PCDHGA6: variants seen among roughly 807,000 people sequenced by gnomAD.
PCDHGA6 encodes protocadherin gamma-A6.
A neutral mutation model predicts 60.6 loss-of-function variants in PCDHGA6; 41 were observed. The observed-to-expected ratio is 0.68, with a 90% CI of 0.53 to 0.88. The LOEUF (loss-of-function observed/expected upper bound fraction) is 0.88, where lower values mean the gene tolerates loss of function less well. PCDHGA6 is among the 40% of genes least tolerant of loss of function. PCDHGA6 has a pLI of 0.00. For missense variants in PCDHGA6, 1,312 were observed against 1,203.0 expected (o/e 1.09, Z -1.34); for synonymous variants, 594 against 524.4 (o/e 1.13, Z -1.81).
chr5:141,408,022 G>A (rs915978239), intron 1 of PCDHGA6: 1 of 1,056,122 alleles, frequency 9.5e-7, no homozygotes, highest in Non-Finnish European at 1.3e-6. Context: ...GCCAACAACA[G>A]AAAGAAGAAA....
chr5:141,479,466 C>G (rs1004384273), intron 1 of PCDHGA6: 1 of 152,224 alleles, frequency 6.6e-6, no homozygotes, highest in Non-Finnish European at 1.5e-5. Flanking sequence ...AATACAGTGA[C>G]CTCTTGGGAG....
At chr5:141,509,268 G>A (rs2099875959) in intron 3 of PCDHGA6, among the ~76,000 whole-genome samples, 1 of 152,150 alleles carries the variant, frequency 6.6e-6, no homozygotes, top group South Asian at 2.1e-4. Flanking sequence ...AGTCACTCTC[G>A]CTACCCGCTC....
intron 1 of PCDHGA6, among the ~76,000 whole-genome samples, chr5:141,382,170 C>T (rs1056617010): frequency 1.3e-5 from 2 of 151,888 alleles, no homozygotes; most frequent in Non-Finnish European, 2.9e-5. Context: ...GGTGTTAGAC[C>T]GTCTCTAAGG....
At chr5:141,510,277 A>C (rs1242709133) in intron 3 of PCDHGA6, among the ~76,000 whole-genome samples, 5 of 151,916 alleles carry the variant, frequency 3.3e-5, no homozygotes, top group Admixed American at 2.6e-4. Flanking sequence ...CATCTTAAAA[A>C]AAAAAAAAAA....
chr5:141,430,090 G>T (rs2097260736), intron 1 of PCDHGA6, among the ~76,000 whole-genome samples: 1 of 152,096 alleles, frequency 6.6e-6, no homozygotes, highest in Non-Finnish European at 1.5e-5. Context: ...ATGAAAATTT[G>T]ATTTTTAAGC....
intron 1 of PCDHGA6, among the ~76,000 whole-genome samples, chr5:141,454,170 G>A (rs2098782662): frequency 6.6e-6 from 1 of 152,162 alleles, no homozygotes; most frequent in Admixed American, 6.5e-5. Context: ...TCTCTAGAAG[G>A]GCAGCTAAAG....
intron 1 of PCDHGA6, chr5:141,430,495 T>C: frequency 3.4e-6 from 1 of 293,400 alleles, no homozygotes; most frequent in Non-Finnish European, 6.2e-6. Context: ...GAAATATCCT[T>C]TCTGGGAGTT....
intron 1 of PCDHGA6, chr5:141,471,509 TA>T (rs1211467109): frequency 6.6e-6 from 1 of 152,008 alleles, no homozygotes; most frequent in Non-Finnish European, 1.5e-5. Context: ...AGAGAGGGAG[TA>T]AAAATAACAG....
intron 1 of PCDHGA6, chr5:141,387,784 T>A (rs2091093181): frequency 6.8e-7 from 1 of 1,472,514 alleles, no homozygotes; most frequent in East Asian, 2.4e-5. Context: ...GAACTGGAAC[T>A]GCAACTAAAG....
intron 1 of PCDHGA6, chr5:141,383,379 A>G: frequency 6.2e-7 from 1 of 1,614,052 alleles, no homozygotes; most frequent in Non-Finnish European, 8.5e-7. Context: ...CTGGGGATCC[A>G]GATGTGGGCA....
intron 1 of PCDHGA6, among the ~76,000 whole-genome samples, chr5:141,433,465 C>T (rs1386201581): frequency 6.6e-6 from 1 of 152,060 alleles, no homozygotes; most frequent in Non-Finnish European, 1.5e-5. Context: ...GAAACTTGGG[C>T]TCAGGCTAGC....
intron 1 of PCDHGA6, chr5:141,417,960 G>T (rs2096199953): frequency 1.2e-6 from 2 of 1,613,624 alleles, no homozygotes; most frequent in African/African-American, 1.3e-5. Context: ...GAGCCGATCC[G>T]CTACTCGATT....
In PCDHGA6 at chr5:141,394,244, C is replaced by T. The variant is rs371631729; in HGVS notation, c.2424+17737C>T. On this transcript the variant is annotated intron_variant, in intron 1 of 3. Coordinates refer to ENST00000517434, the MANE Select transcript of PCDHGA6 (RefSeq NM_018919.3). ...CCTCCATCTTTTCCTTGACTGCACA[C>T]GACCCCGACAGCCAGGAGAATGCCC... The T allele has an allele frequency of 1.5e-5, 25 of 1,613,938 alleles. No homozygotes were observed. In the African/African-American group the frequency reaches 2.3e-4, roughly 15 times the overall value.
At chr5:141,383,385 G>T (rs1779091849) in intron 1 of PCDHGA6, 4 of 1,613,960 alleles carry the variant, frequency 2.5e-6, no homozygotes, top group Non-Finnish European at 3.4e-6. Context: ...ATCCAGATGT[G>T]GGCACGAACT....
chr5:141,477,189 A>G lies in PCDHGA6; in HGVS notation c.2425-17618A>G, dbSNP rs377372902. ...CCGGAGATCACAGTCACCTCCGTGT[A>G]CAGCCCAGTACCCGAGGATGCCCCT... On this transcript the variant is annotated intron_variant, in intron 1 of 3. Coordinates refer to ENST00000517434, the MANE Select transcript of PCDHGA6 (RefSeq NM_018919.3). The surrounding 1 kb of genome is among the most constrained non-coding windows in gnomAD (Gnocchi z 4.9). 6.2e-7 allele frequency: 1 copy of G among 1,614,070 alleles called. No homozygotes were observed. The highest frequency in any genetic ancestry group is 8.5e-7 in the Non-Finnish European group (1 of 1,180,040).
At chr5:141,448,185 G>A (rs2098572532) in intron 1 of PCDHGA6, among the ~76,000 whole-genome samples, 1 of 152,020 alleles carries the variant, frequency 6.6e-6, no homozygotes, top group Non-Finnish European at 1.5e-5. Flanking sequence ...CCCTGGTTAT[G>A]TACACTTACA....
chr5:141,383,826 T>C, intron 1 of PCDHGA6: 1 of 1,613,966 alleles, frequency 6.2e-7, no homozygotes, highest in Non-Finnish European at 8.5e-7. Flanking sequence ...GATTAGATTA[T>C]GAAGAAACTG....
At chr5:141,418,732 G>A (rs747081573) in intron 1 of PCDHGA6, 1 of 1,613,994 alleles carries the variant, frequency 6.2e-7, no homozygotes, top group Non-Finnish European at 8.5e-7. Flanking sequence ...CTCAGCACGT[G>A]TTCTCTCTGG....
intron 1 of PCDHGA6, chr5:141,384,303 G>A (rs1199465212): frequency 1.2e-6 from 2 of 1,613,716 alleles, no homozygotes; most frequent in East Asian, 4.5e-5. Context: ...ACCCCAGAGG[G>A]GCCTCCATTT....
Sources: gnomAD v4.1 joint callset for allele counts (sites outside exome capture counted in the v4.1 genomes callset) on GRCh38, gnomAD v4.1.1 for gene constraint, Gnocchi (gnomAD v3.1) non-coding constraint, MANE v1.5 for transcripts, NCBI Gene and HGNC (gene_info 2026-07-23, HGNC 2026-07-21) for gene names.